FOXP2: variants seen among roughly 807,000 people sequenced by gnomAD.
The protein encoded by FOXP2 is forkhead box protein P2.
In FOXP2, 12 loss-of-function variants were observed where a neutral mutation model predicts 115.8. That is an observed-to-expected ratio of 0.10 (90% CI 0.07 to 0.17). The LOEUF is 0.17. FOXP2 is among the 10% of genes least tolerant of loss of function. The probability of loss-of-function intolerance (pLI) is 1.00; values close to 1 mark genes in which losing one functional copy is unlikely to be tolerated. For missense variants in FOXP2, 629 were observed against 843.5 expected (o/e 0.75, Z 3.15); for synonymous variants, 328 against 297.7 (o/e 1.10, Z -1.05).
chr7:114,279,870 A>C (rs1796283898), intron 1 of FOXP2, among the ~76,000 whole-genome samples: 1 of 152,034 alleles, frequency 6.6e-6, no homozygotes, highest in South Asian at 2.1e-4. Context: ...AGGGGGTGAG[A>C]GAATAAAATA....
chr7:114,109,613 C>A (rs1274811067), intron 1 of FOXP2, among the ~76,000 whole-genome samples: 1 of 152,000 alleles, frequency 6.6e-6, no homozygotes, highest in African/African-American at 2.4e-5. Flanking sequence ...TTTGAAAATG[C>A]TGTATGCTTT....
At chr7:114,677,175 A>AT (rs947288377) in intron 16 of FOXP2, among the ~76,000 whole-genome samples, 6 of 141,210 alleles carry the variant, frequency 4.2e-5, no homozygotes, top group African/African-American at 1.5e-4. Flanking sequence ...CAAAAAACAA[A>AT]AAAAAAAAAA....
chr7:114,433,833 AG>A (rs1389230367), intron 2 of FOXP2, among the ~76,000 whole-genome samples: 1 of 152,036 alleles, frequency 6.6e-6, no homozygotes, highest in Non-Finnish European at 1.5e-5. Flanking sequence ...CCTAGTTAAA[AG>A]ACTGGCTTAC....
intron 2 of FOXP2, among the ~76,000 whole-genome samples, chr7:114,311,465 T>C (rs1797145491): frequency 6.6e-6 from 1 of 152,178 alleles, no homozygotes; most frequent in Non-Finnish European, 1.5e-5. Context: ...GGCAGGGTTT[T>C]GCCAATGCCA....
intron 2 of FOXP2, among the ~76,000 whole-genome samples, chr7:114,394,095 A>G (rs1210993959): frequency 1.3e-5 from 2 of 151,914 alleles, no homozygotes; most frequent in Non-Finnish European, 2.9e-5. Flanking sequence ...TAGCACACCT[A>G]GGACCCAGAT....
chr7:114,121,225 G>A (rs116001890), intron 1 of FOXP2, among the ~76,000 whole-genome samples: 253 of 152,042 alleles, frequency 1.7e-3, no homozygotes, highest in African/African-American at 5.7e-3. Flanking sequence ...ACAGAGAGCC[G>A]TCTTACTCTC....
At chr7:114,505,930 G>A (rs1364729351) in intron 2 of FOXP2, among the ~76,000 whole-genome samples, 1 of 151,488 alleles carries the variant, frequency 6.6e-6, no homozygotes, top group Admixed American at 6.6e-5. Context: ...GTAGCGTACT[G>A]TTTCTTGAAC....
intron 16 of FOXP2, among the ~76,000 whole-genome samples, chr7:114,689,527 T>G (rs1808546505): frequency 6.6e-6 from 1 of 152,170 alleles, no homozygotes; most frequent in Admixed American, 6.6e-5. Flanking sequence ...GAAAGAATGC[T>G]GAGAAACGGA....
At chr7:114,150,347 C>A (rs1312639284) in intron 1 of FOXP2, among the ~76,000 whole-genome samples, 1 of 151,934 alleles carries the variant, frequency 6.6e-6, no homozygotes, top group East Asian at 1.9e-4. Flanking sequence ...GAAGCATTGC[C>A]TTCATTATCC....
At chr7:114,652,420 A>T in intron 9 of FOXP2, 130 bp downstream of exon 9, 1 of 779,080 alleles carries the variant, frequency 1.3e-6, no homozygotes. Context: ...GAGATACATG[A>T]TATTTTAGAT....
chr7:114,146,401 A>AAG (rs1490208164), intron 1 of FOXP2, among the ~76,000 whole-genome samples: 5 of 152,208 alleles, frequency 3.3e-5, no homozygotes, highest in Admixed American at 3.3e-4. Flanking sequence ...CTTAGCTTGG[A>AAG]AGAATGCTCT....
intron 2 of FOXP2, among the ~76,000 whole-genome samples, chr7:114,332,875 A>G (rs1797746391): frequency 6.6e-6 from 1 of 152,182 alleles, no homozygotes; most frequent in Non-Finnish European, 1.5e-5. Flanking sequence ...CTAGGAGGAA[A>G]AACATGCTAC....
chr7:114,147,392 A>T (rs931816393), intron 1 of FOXP2, among the ~76,000 whole-genome samples: 1 of 152,172 alleles, frequency 6.6e-6, no homozygotes, highest in African/African-American at 2.4e-5. Context: ...AGAGGGCAGG[A>T]GACACATTAG....
At chr7:114,535,834 T>C (rs1363099310) in intron 3 of FOXP2, among the ~76,000 whole-genome samples, 1 of 151,712 alleles carries the variant, frequency 6.6e-6, no homozygotes, top group Non-Finnish European at 1.5e-5. Context: ...AGAGTACAGA[T>C]GTCTGCCATG....
At chr7:114,683,457 C>A (rs1369426022) in intron 16 of FOXP2, among the ~76,000 whole-genome samples, 1 of 152,154 alleles carries the variant, frequency 6.6e-6, no homozygotes, top group Non-Finnish European at 1.5e-5. Flanking sequence ...CTTGGACAGT[C>A]ACTCCTTTAC....
intron 2 of FOXP2, among the ~76,000 whole-genome samples, chr7:114,293,880 T>C (rs1291311754): frequency 1.3e-5 from 2 of 152,190 alleles, no homozygotes; most frequent in African/African-American, 2.4e-5. Context: ...AACAGACTCA[T>C]ACAAGATAAT....
chr7:114,684,653 A>T (rs910101675), intron 16 of FOXP2, among the ~76,000 whole-genome samples: 5 of 152,218 alleles, frequency 3.3e-5, no homozygotes, highest in African/African-American at 1.2e-4. Flanking sequence ...AGCACTTAAG[A>T]GTTTAGCATT....
chr7:114,259,058 C>A (rs939477563), intron 1 of FOXP2, among the ~76,000 whole-genome samples: 1 of 152,042 alleles, frequency 6.6e-6, no homozygotes, highest in African/African-American at 2.4e-5. Context: ...CTTACCAAGT[C>A]AAATACAGAT....
At chr7:114,556,118 A>T (rs1800441328) in intron 3 of FOXP2, among the ~76,000 whole-genome samples, 1 of 152,216 alleles carries the variant, frequency 6.6e-6, no homozygotes, top group Non-Finnish European at 1.5e-5. Flanking sequence ...GAGAATTTTC[A>T]TGTCAAATGG....
Sources: gnomAD v4.1 joint callset for allele counts (sites outside exome capture counted in the v4.1 genomes callset) on GRCh38, gnomAD v4.1.1 for gene constraint, MANE v1.5 for transcripts, NCBI Gene and HGNC (gene_info 2026-07-23, HGNC 2026-07-21) for gene names.